The following MFSD6 variants were observed in gnomAD, a reference collection of about 807,000 sequenced individuals.
MFSD6 encodes the protein major facilitator superfamily domain-containing protein 6.
In MFSD6, 26 loss-of-function variants were observed where a neutral mutation model predicts 56.3. The ratio of observed to expected loss-of-function variants is 0.46; its 90% CI spans 0.34 to 0.64. MFSD6 has a LOEUF of 0.64. Ranked by LOEUF, MFSD6 falls within the 30% of genes least tolerant of loss-of-function variation. The pLI is 0.01. For synonymous variants in MFSD6, 331 were observed against 366.9 expected (o/e 0.90, Z 1.12); for missense variants, 750 against 986.2 (o/e 0.76, Z 3.21).
rs1689877355 is a variant in MFSD6, at chr2:190,499,093, A to G, written c.2173-922A>G. Reference sequence around the variant, plus strand: ...AACCCAGCAGGAGGAGGTTGCAGTGAGCCAAGGTCACGCCACTGCACTCCG... The same window carrying G: ...AACCCAGCAGGAGGAGGTTGCAGTGGGCCAAGGTCACGCCACTGCACTCCG... On this transcript the variant is annotated intron_variant, in intron 7 of 7. Transcript: ENST00000392328. The surrounding 1 kb of genome is among the most constrained non-coding windows in gnomAD (Gnocchi z 6.0). Among the ~76,000 whole-genome samples, 1 of 152,242 alleles carries G rather than the reference A, an allele frequency of 6.6e-6. No individual in the cohort carries two copies. The highest frequency in any genetic ancestry group is 1.5e-5 in the Non-Finnish European group (1 of 68,032).
rs563425658 is a variant in MFSD6 at position 190,438,672 on chromosome 2, C to T, written c.1532+1111C>T. Among the ~76,000 whole-genome samples, 34 of 152,246 alleles carry T rather than the reference C, an allele frequency of 2.2e-4. No individual in the cohort carries two copies. Among genetic ancestry groups the T allele is most frequent in the African/African-American group, 7.2e-4 (30 of 41,522 alleles). ...AGCATTCTTGCCTTACAGAAAAGTA[C>T]GACATGTCTGTTCCTAAAATGTGAA... On this transcript the variant is annotated intron_variant, in intron 3 of 7. Transcript: ENST00000392328. This position sits in a 1 kb window ranked among gnomAD's most constrained non-coding sequence, Gnocchi z 5.2.
Position 190,487,339 on chromosome 2 carries a change from CAAACA to C in MFSD6, c.1631-1302_1631-1298del, listed in dbSNP as rs749377887. Among the ~76,000 whole-genome samples, 75 of 152,232 alleles carry C rather than the reference CAAACA, an allele frequency of 4.9e-4. No homozygotes were observed. The highest frequency in any genetic ancestry group is 3.4e-3 in the Middle Eastern group (1 of 294). On this transcript the variant is annotated intron_variant, in intron 4 of 7. Transcript: ENST00000392328. The surrounding 1 kb of genome is among the most constrained non-coding windows in gnomAD (Gnocchi z 5.5). ...CTGGTGACAGAGCAATACTCCATCT[CAAACA>C]AAACAAAACAAAACATAAAAATTGT...
rs759256095 is a variant in MFSD6 at position 190,457,607 on chromosome 2, C to G, written c.1533-12151C>G. 6.6e-6 allele frequency among the ~76,000 whole-genome samples: 1 copy of G among 152,230 alleles called. No individual in the cohort carries two copies. Among genetic ancestry groups the G allele is most frequent in the Non-Finnish European group, 1.5e-5 (1 of 68,042 alleles). ...AAGTTAGGACCCCAAATCTCAGACA[C>G]TTCTGCATGTACTGGCTCAGGCAGA... On this transcript the variant is annotated intron_variant, in intron 3 of 7. Transcript: ENST00000392328. The surrounding 1 kb of genome is among the most constrained non-coding windows in gnomAD (Gnocchi z 5.1).
At chr2:190,442,293 A>G (rs1439611081) in intron 3 of MFSD6, among the ~76,000 whole-genome samples, 3 of 152,174 alleles carry the variant, frequency 2.0e-5, no homozygotes, top group Non-Finnish European at 4.4e-5. Flanking sequence ...TTTAGGCCCA[A>G]AGAGCCTCAG....
chr2:190,422,768 A>C (rs1429830278), intron 2 of MFSD6, among the ~76,000 whole-genome samples: 2 of 152,052 alleles, frequency 1.3e-5, no homozygotes, highest in Non-Finnish European at 2.9e-5. Context: ...TTTTCTTGAA[A>C]TTTTAAAGTT....
At chr2:190,482,868 C>CTTTTTTTTTTTTTTTTT (rs199927176) in intron 4 of MFSD6, among the ~76,000 whole-genome samples, 1 of 48,292 alleles carries the variant, frequency 2.1e-5, no homozygotes, top group Non-Finnish European at 3.8e-5. Context: ...AGACTATCAT[C>CTTTTTTTTTTTTTTTTT]TTTTTTTTTT....
At position 190,488,566 on chromosome 2, in the gene MFSD6, A is replaced by G. The variant is rs930682587; in HGVS notation, c.1631-91A>G. 6 of 1,158,290 alleles carry G rather than the reference A, an allele frequency of 5.2e-6. No individual in the cohort carries two copies. Among genetic ancestry groups the G allele is most frequent in the Non-Finnish European group, 5.8e-6 (5 of 868,314 alleles). 71.8% of individuals were successfully genotyped at this position (1,158,290 alleles called of 1,614,324 possible). A position where few individuals can be genotyped will look rare whatever the true frequency, so the allele number is the denominator to read the frequency against. On this transcript the variant is annotated intron_variant, in intron 4 of 7. Coordinates refer to ENST00000392328, the MANE Select transcript of MFSD6 (RefSeq NM_017694.4). The surrounding 1 kb of genome is among the most constrained non-coding windows in gnomAD (Gnocchi z 6.4). Reference sequence around the variant, plus strand: ...TGTTTTCCCACAACAAATCTTAAAAATAGGTGCCTAGTTAAATAATTCACA... The same window carrying G: ...TGTTTTCCCACAACAAATCTTAAAAGTAGGTGCCTAGTTAAATAATTCACA...
In MFSD6 at chr2:190,469,366, C is replaced by T. The variant is rs1031967581; in HGVS notation, c.1533-392C>T. On this transcript the variant is annotated intron_variant, in intron 3 of 7. Coordinates refer to ENST00000392328, the MANE Select transcript of MFSD6 (RefSeq NM_017694.4). This position sits in a 1 kb window ranked among gnomAD's most constrained non-coding sequence, Gnocchi z 5.3. ...CATTGTAGTGAAGTGGTTACAATCC[C>T]AGGCATAGTTCTCCTACAGCCACCT... 6.5e-6 allele frequency: 1 copy of T among 153,256 alleles called. No homozygotes were observed. 9.5% of individuals were successfully genotyped at this position (153,256 alleles called of 1,614,324 possible).
rs574501370 is a variant in MFSD6 at position 190,430,880 on chromosome 2, C to T, written c.-53-5097C>T. Reference sequence around the variant, plus strand: ...CCTCCCTCCCGGACGGGGCGGCTGCCGGGCGGAGACGCTCCTCACTTCCCA... The same window carrying T: ...CCTCCCTCCCGGACGGGGCGGCTGCTGGGCGGAGACGCTCCTCACTTCCCA... On this transcript the variant is annotated intron_variant, in intron 2 of 7. Transcript: ENST00000392328. Among the ~76,000 whole-genome samples the T allele has an allele frequency of 1.1e-4, 16 of 150,512 alleles. No individual in the cohort carries two copies. The South Asian group carries it at 2.4e-3, about 22-fold the overall frequency.
Position 190,465,953 on chromosome 2 carries a change from A to G in MFSD6, c.1533-3805A>G, listed in dbSNP as rs1467863026. On this transcript the variant is annotated intron_variant, in intron 3 of 7. Coordinates refer to ENST00000392328, the MANE Select transcript of MFSD6 (RefSeq NM_017694.4). This position sits in a 1 kb window ranked among gnomAD's most constrained non-coding sequence, Gnocchi z 4.6. ...GGTTACAGCAAACCAAGATCATGCC[A>G]TTGCAAAAAACAAACAAAAAAACTC... Among the ~76,000 whole-genome samples the G allele has an allele frequency of 6.6e-6, 1 of 152,208 alleles. No homozygotes were observed. Among genetic ancestry groups the G allele is most frequent in the Non-Finnish European group, 1.5e-5 (1 of 68,034 alleles).
At position 190,488,669 on chromosome 2, in the gene MFSD6, C is replaced by T. The variant is rs769843668; in HGVS notation, c.1643C>T (p.Ala548Val). The change falls in exon 5 of 8, where the codon GCG becomes GTG. Residue 548 changes from alanine (A) to valine (V), a missense_variant. Physicochemically the swap from Ala to Val is moderately conservative, Grantham distance 64. Coordinates refer to ENST00000392328, the MANE Select transcript of MFSD6 (RefSeq NM_017694.4). This position sits in a 1 kb window ranked among gnomAD's most constrained non-coding sequence, Gnocchi z 6.4. The part of the protein sequence containing the change: ...PMEVLQGVTH[A>V]AIWAACISYL... ...TCTTCCTCTCCAGGAGTGACACACG[C>T]GGCCATCTGGGCAGCATGCATTTCT... The T allele has an allele frequency of 5.1e-6, 8 of 1,554,708 alleles. No homozygotes were observed. Among genetic ancestry groups the T allele is most frequent in the African/African-American group, 1.4e-5 (1 of 72,210 alleles).
rs1283028658 is a variant in MFSD6, at chr2:190,432,090, T to G, written c.-53-3887T>G. Among the ~76,000 whole-genome samples the G allele has an allele frequency of 2.0e-5, 3 of 152,238 alleles. No individual in the cohort carries two copies. In the East Asian group the frequency reaches 5.8e-4, roughly 29 times the overall value. On this transcript the variant is annotated intron_variant, in intron 2 of 7. Coordinates refer to ENST00000392328, the MANE Select transcript of MFSD6 (RefSeq NM_017694.4). ...ATGTCTTATAATCCTTGGTAATTAC[T>G]CATATTTAGTGGAAGGTCTTGATAA... is the stretch of plus-strand genomic sequence containing the variant.
chr2:190,416,564 A>C lies in MFSD6; in HGVS notation c.-54+1151A>C, dbSNP rs1690783736. Among the ~76,000 whole-genome samples the C allele has an allele frequency of 6.6e-6, 1 of 152,230 alleles. No homozygotes were observed. Among genetic ancestry groups the C allele is most frequent in the African/African-American group, 2.4e-5 (1 of 41,462 alleles). On this transcript the variant is annotated intron_variant, in intron 2 of 7. Coordinates refer to ENST00000392328, the MANE Select transcript of MFSD6 (RefSeq NM_017694.4). The surrounding 1 kb of genome is among the most constrained non-coding windows in gnomAD (Gnocchi z 4.1). ...GACATGAAAACAGACATGAACATAAATTCATGAGCACAGATGGATGAAATA... is the reference window on the plus strand; with the variant it reads ...GACATGAAAACAGACATGAACATAACTTCATGAGCACAGATGGATGAAATA...
rs955516156 is a variant in MFSD6, at chr2:190,491,526, C to T, written c.1891+1660C>T. ...CCAGTACCAGCCTGGAGCCTGGTAG[C>T]CCTGCTGGGTGGGCTAGATCCAGAA... On this transcript the variant is annotated intron_variant, in intron 6 of 7. Coordinates refer to ENST00000392328, the MANE Select transcript of MFSD6 (RefSeq NM_017694.4). The surrounding 1 kb of genome is among the most constrained non-coding windows in gnomAD (Gnocchi z 4.2). Among the ~76,000 whole-genome samples the T allele has an allele frequency of 2.0e-5, 3 of 152,160 alleles. No individual in the cohort carries two copies. The highest frequency in any genetic ancestry group is 2.9e-5 in the Non-Finnish European group (2 of 68,040).
rs1285676266 is a variant in MFSD6 at position 190,485,116 on chromosome 2, C to T, written c.1631-3541C>T. 6.6e-6 allele frequency among the ~76,000 whole-genome samples: 1 copy of T among 152,102 alleles called. No individual in the cohort carries two copies. Among genetic ancestry groups the T allele is most frequent in the Non-Finnish European group, 1.5e-5 (1 of 68,002 alleles). ...TTAAAAGCATCCTGACTTAAGTCAT[C>T]CCACTGGAAAATGCTTTAATTATCT... is the stretch of plus-strand genomic sequence containing the variant. On this transcript the variant is annotated intron_variant, in intron 4 of 7. Transcript: ENST00000392328. The surrounding 1 kb of genome is among the most constrained non-coding windows in gnomAD (Gnocchi z 5.1).
intron 4 of MFSD6, among the ~76,000 whole-genome samples, chr2:190,486,133 C>G (rs1008910959): frequency 6.6e-6 from 1 of 152,248 alleles, no homozygotes; most frequent in African/African-American, 2.4e-5. Context: ...GAGACCAGAG[C>G]AGTGTTTAGC....
chr2:190,499,900 A>T lies in MFSD6; in HGVS notation c.2173-115A>T. The T allele has an allele frequency of 6.4e-7, 1 of 1,571,098 alleles. No homozygotes were observed. Among genetic ancestry groups the T allele is most frequent in the Non-Finnish European group, 8.7e-7 (1 of 1,155,850 alleles). ...ATTCCTCTATTACTTGGTCCCTGAA[A>T]TGGGCACTTCCGGATGATCTCCCCA... On this transcript the variant is annotated intron_variant, in intron 7 of 7. Coordinates refer to ENST00000392328, the MANE Select transcript of MFSD6 (RefSeq NM_017694.4). The surrounding 1 kb of genome is among the most constrained non-coding windows in gnomAD (Gnocchi z 6.0).
At position 190,499,130 on chromosome 2, in the gene MFSD6, A is replaced by G. The variant is rs1363964366; in HGVS notation, c.2173-885A>G. On this transcript the variant is annotated intron_variant, in intron 7 of 7. Coordinates refer to ENST00000392328, the MANE Select transcript of MFSD6 (RefSeq NM_017694.4). The surrounding 1 kb of genome is among the most constrained non-coding windows in gnomAD (Gnocchi z 6.0). The stretch of plus-strand genomic sequence containing the variant: ...GCCACTGCACTCCGGCCTAGGCGAC[A>G]GAGTGAGACTCCGTCTCAAAATTAT... Among the ~76,000 whole-genome samples the G allele has an allele frequency of 6.6e-6, 1 of 152,242 alleles. No homozygotes were observed. The highest frequency in any genetic ancestry group is 1.5e-5 in the Non-Finnish European group (1 of 68,040).
rs1686097676 is a variant in MFSD6 at position 190,434,188 on chromosome 2, A to AC, written c.-53-1789_-53-1788insC. ...AGAGTAAGACCCTGTCTCTCAAAAAAAAAAAAAGAAAAAAAAGAAAAGAAG... is the reference window on the plus strand; with the variant it reads ...AGAGTAAGACCCTGTCTCTCAAAAAACAAAAAAAGAAAAAAAAGAAAAGAAG... On this transcript the variant is annotated intron_variant, in intron 2 of 7. Coordinates refer to ENST00000392328, the MANE Select transcript of MFSD6 (RefSeq NM_017694.4). This position sits in a 1 kb window ranked among gnomAD's most constrained non-coding sequence, Gnocchi z 4.3. Among the ~76,000 whole-genome samples, 1 of 151,292 alleles carries AC rather than the reference A, an allele frequency of 6.6e-6. No homozygotes were observed. The highest frequency in any genetic ancestry group is 1.5e-5 in the Non-Finnish European group (1 of 67,824).
Sources: allele counts gnomAD v4.1 joint callset (sites outside exome capture counted in the v4.1 genomes callset), GRCh38; gene constraint gnomAD v4.1.1; non-coding constraint Gnocchi (gnomAD v3.1); transcripts MANE v1.5; gene names NCBI Gene and HGNC (gene_info 2026-07-23, HGNC 2026-07-21).